The following DESI2 variants were observed in gnomAD, a reference collection of about 807,000 sequenced individuals.
DESI2 encodes deubiquitinase DESI2.
DESI2 carries 10 observed loss-of-function variants against 24.1 expected under a neutral mutation model. The observed-to-expected ratio is 0.41, with a 90% CI of 0.26 to 0.70. The LOEUF is 0.70. DESI2 is among the 30% of genes least tolerant of loss of function. The probability of loss-of-function intolerance (pLI) is 0.29; values close to 1 mark genes in which losing one functional copy is unlikely to be tolerated. For synonymous variants in DESI2, 71 were observed against 87.7 expected, an observed-to-expected ratio of 0.81 and a Z score of 1.06; for missense variants, 122 against 234.9, an observed-to-expected ratio of 0.52 and a Z score of 3.14.
intron 1 of DESI2, among the ~76,000 whole-genome samples, chr1:244,682,724 T>C (rs1381249951): frequency 6.6e-6 from 1 of 152,178 alleles, no homozygotes; most frequent in African/African-American, 2.4e-5. Flanking sequence ...CAAATGAGCG[T>C]GGCTGTGTTC....
At position 244,653,226 on chromosome 1, in the gene DESI2, C is replaced by T. The variant is rs543933534; in HGVS notation, c.-88C>T. 2 of 1,368,562 alleles carry T rather than the reference C, an allele frequency of 1.5e-6. No individual in the cohort carries two copies. The highest frequency in any genetic ancestry group is 2.8e-5 in the East Asian group (1 of 35,622). 84.8% of individuals were successfully genotyped at this position (1,368,562 alleles called of 1,614,324 possible). A position where few individuals can be genotyped will look rare whatever the true frequency, so the allele number is the denominator to read the frequency against. On this transcript the variant is annotated 5_prime_UTR_variant, in exon 1 of 5. Coordinates refer to ENST00000302550, the MANE Select transcript of DESI2 (RefSeq NM_016076.5). ...GTACGCTTAGTGCCCGGCTCAGGCC[C>T]CCTGAAGCGCCCGCGGGGGTGAGAG...
In DESI2 at chr1:244,701,062, G is replaced by A. The variant is rs374808128; in HGVS notation, c.352-4494G>A. Among the ~76,000 whole-genome samples the A allele has an allele frequency of 3.3e-5, 5 of 152,184 alleles. No homozygotes were observed. In the South Asian group the frequency reaches 6.2e-4, roughly 19 times the overall value. ...AATGTGAGAACAACAATAGAGGGAA[G>A]AACTATTAAAGCACAAGAAGGAATC... On this transcript the variant is annotated intron_variant, in intron 4 of 4. Transcript: ENST00000302550.
At chr1:244,671,867 T>G (rs1676259476) in intron 1 of DESI2, among the ~76,000 whole-genome samples, 1 of 152,222 alleles carries the variant, frequency 6.6e-6, no homozygotes, top group Non-Finnish European at 1.5e-5. Context: ...AGCATGAATT[T>G]CCTCATAGCA....
Position 244,705,802 on chromosome 1 carries a change from TCA to T in DESI2, c.*18_*19del, listed in dbSNP as rs1441611709. The T allele has an allele frequency of 3.8e-6, 6 of 1,579,650 alleles. No homozygotes were observed. The Admixed American group carries it at 8.4e-5, about 22-fold the overall frequency. On this transcript the variant is annotated 3_prime_UTR_variant, in exon 5 of 5. Transcript: ENST00000302550. Reference sequence around the variant, plus strand: ...CACTAAACTATAAATGTCTCCAAAGTCACACATTCAGAACTGTCTCTGGCAGT... The same window carrying T: ...CACTAAACTATAAATGTCTCCAAAGTCACATTCAGAACTGTCTCTGGCAGT...
At chr1:244,672,700 A>C (rs1011863940) in intron 1 of DESI2, among the ~76,000 whole-genome samples, 6 of 152,168 alleles carry the variant, frequency 3.9e-5, no homozygotes, top group Middle Eastern at 3.4e-3. Flanking sequence ...AACATGGTGA[A>C]ACCCCATCTC....
At chr1:244,687,820 TA>T (rs780134800) in intron 2 of DESI2, among the ~76,000 whole-genome samples, 8 of 152,258 alleles carry the variant, frequency 5.3e-5, no homozygotes, top group Non-Finnish European at 8.8e-5. Context: ...TCTGTGGGGT[TA>T]CTCTTTTGGC....
intron 4 of DESI2, chr1:244,694,673 G>T: frequency 1.3e-6 from 1 of 771,890 alleles, no homozygotes. Flanking sequence ...AGTGGCACGT[G>T]TGCGTCTTAT....
chr1:244,682,480 G>T (rs959129622), intron 1 of DESI2, among the ~76,000 whole-genome samples: 2 of 152,160 alleles, frequency 1.3e-5, no homozygotes, highest in African/African-American at 4.8e-5. Flanking sequence ...TATATGAAAA[G>T]ATATCCCAGG....
At chr1:244,686,382 A>G (rs866473103) in intron 1 of DESI2, among the ~76,000 whole-genome samples, 3 of 152,028 alleles carry the variant, frequency 2.0e-5, no homozygotes, top group South Asian at 2.1e-4. Flanking sequence ...GAAGCCTTAG[A>G]TAATGTGCTT....
At chr1:244,683,289 G>A (rs780105349) in intron 1 of DESI2, among the ~76,000 whole-genome samples, 2 of 152,076 alleles carry the variant, frequency 1.3e-5, no homozygotes, top group Non-Finnish European at 2.9e-5. Flanking sequence ...AGGTTCAGGA[G>A]TCTAAGTCTT....
chr1:244,692,307 T>C (rs768236869), intron 4 of DESI2, among the ~76,000 whole-genome samples: 9 of 152,116 alleles, frequency 5.9e-5, no homozygotes, highest in Non-Finnish European at 1.0e-4. Flanking sequence ...ACTTTCACTT[T>C]AAAAAAGTAA....
intron 1 of DESI2, among the ~76,000 whole-genome samples, chr1:244,664,251 A>G (rs369504713): frequency 3.9e-5 from 6 of 152,312 alleles, no homozygotes; most frequent in Admixed American, 6.5e-5. Context: ...GAGAAGAGGT[A>G]AAAGCTTGTA....
rs1000274823 is a variant in DESI2, at chr1:244,706,842, C to T, written c.*1053C>T. On this transcript the variant is annotated 3_prime_UTR_variant, in exon 5 of 5. Coordinates refer to ENST00000302550, the MANE Select transcript of DESI2 (RefSeq NM_016076.5). Reference sequence around the variant, plus strand: ...GGCGTTTGTCATGGGACTCATTTCACATAATAGAATGCCTAGTCTCATTGA... The same window carrying T: ...GGCGTTTGTCATGGGACTCATTTCATATAATAGAATGCCTAGTCTCATTGA... 6.6e-5 allele frequency: 10 copies of T among 152,640 alleles called. No individual in the cohort carries two copies. Among genetic ancestry groups the T allele is most frequent in the Non-Finnish European group, 1.2e-4 (8 of 68,036 alleles). The allele number at this position is 152,640 out of a possible 1,614,324, so 9.5% of individuals were successfully genotyped here.
intron 4 of DESI2, chr1:244,694,857 C>G: frequency 2.1e-6 from 1 of 487,436 alleles, no homozygotes. Context: ...GATTTATGGC[C>G]TATAAAGCCC....
At chr1:244,696,889 C>T (rs1219611521) in intron 4 of DESI2, among the ~76,000 whole-genome samples, 1 of 152,076 alleles carries the variant, frequency 6.6e-6, no homozygotes, top group Non-Finnish European at 1.5e-5. Flanking sequence ...TGGCAGAGGA[C>T]GCCTGCATGA....
At chr1:244,662,249 GGTT>G (rs1675874364) in intron 1 of DESI2, among the ~76,000 whole-genome samples, 2 of 152,076 alleles carry the variant, frequency 1.3e-5, no homozygotes, top group Non-Finnish European at 2.9e-5. Flanking sequence ...TTGTTGATGG[GGTT>G]GTTTGTTTTT....
At chr1:244,691,846 T>C in intron 3 of DESI2, 33 bp from the exon 4 acceptor site, 5 of 1,517,338 alleles carry the variant, frequency 3.3e-6, no homozygotes, top group Non-Finnish European at 4.4e-6. Flanking sequence ...GTCCTTATTT[T>C]TCTTTCTCTT....
chr1:244,679,761 C>T (rs557056164), intron 1 of DESI2, among the ~76,000 whole-genome samples: 1 of 151,704 alleles, frequency 6.6e-6, no homozygotes, highest in African/African-American at 2.4e-5. Context: ...ATCCCCCTTG[C>T]ATGGCTGAGG....
At chr1:244,675,415 T>G (rs1477026447) in intron 1 of DESI2, among the ~76,000 whole-genome samples, 1 of 152,210 alleles carries the variant, frequency 6.6e-6, no homozygotes, top group Non-Finnish European at 1.5e-5. Flanking sequence ...TAATTTAAGC[T>G]CTTGCATTTA....
Sources: allele counts gnomAD v4.1 joint callset (sites outside exome capture counted in the v4.1 genomes callset), GRCh38; gene constraint gnomAD v4.1.1; transcripts MANE v1.5; gene names NCBI Gene and HGNC (gene_info 2026-07-23, HGNC 2026-07-21).